ELAVL2: variants seen among roughly 807,000 people sequenced by gnomAD.
The protein encoded by ELAVL2 is ELAV like RNA binding protein 2.
A neutral mutation model predicts 34.6 loss-of-function variants in ELAVL2; 4 were observed. That is an observed-to-expected ratio of 0.12 (90% CI 0.06 to 0.26). The LOEUF is 0.26. ELAVL2 is among the 10% of genes least tolerant of loss of function. ELAVL2 has a pLI of 1.00. For missense variants in ELAVL2, 432 were observed against 442.8 expected, an observed-to-expected ratio of 0.98 and a Z score of 0.22; for synonymous variants, 193 against 154.8, an observed-to-expected ratio of 1.25 and a Z score of -1.83.
In ELAVL2 at chr9:23,692,546, A is replaced by T. The variant is rs1179516707; in HGVS notation, c.*11T>A. The T allele has an allele frequency of 6.2e-7, 1 of 1,606,360 alleles. No homozygotes were observed. The highest frequency in any genetic ancestry group is 1.3e-5 in the African/African-American group (1 of 74,804). On this transcript the variant is annotated 3_prime_UTR_variant, in exon 7 of 7. Coordinates refer to ENST00000397312, the MANE Select transcript of ELAVL2 (RefSeq NM_004432.5). ...GTTTTCATATATAAATGGACTGAGG[A>T]CAAGAGCTCATTAGGCTTTGTGCGT...
chr9:23,822,789 A>G (rs2065000129), intron 1 of ELAVL2, among the ~76,000 whole-genome samples: 1 of 152,252 alleles, frequency 6.6e-6, no homozygotes, highest in Non-Finnish European at 1.5e-5. Context: ...AGGTAAGAGA[A>G]AGGAACCGAG....
intron 1 of ELAVL2, among the ~76,000 whole-genome samples, chr9:23,768,965 A>T (rs1479915983): frequency 1.3e-5 from 2 of 152,196 alleles, no homozygotes; most frequent in African/African-American, 4.8e-5. Context: ...CTAGAGGCAA[A>T]GACAAGCTTA....
At chr9:23,791,420 T>G (rs968093039) in intron 1 of ELAVL2, among the ~76,000 whole-genome samples, 1 of 152,192 alleles carries the variant, frequency 6.6e-6, no homozygotes, top group African/African-American at 2.4e-5. Context: ...TCTCCCAAAA[T>G]TAACATGTTG....
chr9:23,763,922 C>G (rs1277300103), intron 1 of ELAVL2, among the ~76,000 whole-genome samples: 1 of 152,064 alleles, frequency 6.6e-6, no homozygotes, highest in Non-Finnish European at 1.5e-5. Flanking sequence ...TCAGGGAATA[C>G]TTAAAGGGAT....
chr9:23,758,887 A>C (rs1298734067), intron 2 of ELAVL2, among the ~76,000 whole-genome samples: 1 of 152,076 alleles, frequency 6.6e-6, no homozygotes, highest in African/African-American at 2.4e-5. Flanking sequence ...TATAATACTT[A>C]TGTTAAGAAA....
At chr9:23,734,989 AT>A (rs1428429557) in intron 2 of ELAVL2, among the ~76,000 whole-genome samples, 3 of 151,120 alleles carry the variant, frequency 2.0e-5, no homozygotes, top group African/African-American at 4.9e-5. Flanking sequence ...CCAAACTAAG[AT>A]TCATTTCTTT....
rs1378329160 is a variant in ELAVL2, at chr9:23,801,406, G to C, written c.-16+24400C>G. Among the ~76,000 whole-genome samples the C allele has an allele frequency of 2.0e-5, 3 of 152,052 alleles. No homozygotes were observed. The East Asian group carries it at 5.8e-4, about 29-fold the overall frequency. ...TGTGCTTGAAAGGAAAAGTTATACT[G>C]TCATTCATTCAATAAATATTAAGCT... On this transcript the variant is annotated intron_variant, in intron 1 of 6. Transcript: ENST00000397312.
rs2065281371 is a variant in ELAVL2 at position 23,826,153 on chromosome 9, C to T, written c.-363G>A. On this transcript the variant is annotated 5_prime_UTR_variant, in exon 1 of 7. Coordinates refer to ENST00000397312, the MANE Select transcript of ELAVL2 (RefSeq NM_004432.5). ...GAACGTTTTTTCAAAAAGACGATGT[C>T]TTTCTCCTTGTTGCTTTTTAGTAGG... The T allele has an allele frequency of 6.6e-6, 1 of 152,254 alleles. No individual in the cohort carries two copies. Among genetic ancestry groups the T allele is most frequent in the East Asian group, 1.9e-4 (1 of 5,196 alleles). 9.4% of individuals were successfully genotyped at this position (152,254 alleles called of 1,614,324 possible). A position where few individuals can be genotyped will look rare whatever the true frequency, so the allele number is the denominator to read the frequency against.
chr9:23,833,414 A>T, the ELAVL2 span, among the ~76,000 whole-genome samples: 3 of 151,820 alleles, frequency 2.0e-5, no homozygotes, highest in East Asian at 3.9e-4. Context: ...GACAGCTTAA[A>T]CTGTTCTTTA....
upstream of ELAVL2, among the ~76,000 whole-genome samples, chr9:23,827,989 T>C (rs1208700056): frequency 1.3e-5 from 2 of 152,150 alleles, no homozygotes; most frequent in African/African-American, 4.8e-5. Flanking sequence ...TATAACAACC[T>C]CTGGAGTCTT....
At chr9:23,733,235 T>C (rs1036195608) in intron 2 of ELAVL2, among the ~76,000 whole-genome samples, 3 of 139,726 alleles carry the variant, frequency 2.1e-5, no homozygotes, top group East Asian at 2.1e-4. Flanking sequence ...CTCCCAAAAA[T>C]AGATAGATAT....
intron 4 of ELAVL2, among the ~76,000 whole-genome samples, chr9:23,702,236 T>C (rs1463001197): frequency 2.0e-5 from 3 of 152,188 alleles, no homozygotes; most frequent in Non-Finnish European, 4.4e-5. Context: ...CTATATTTTA[T>C]TACAGAAAAA....
At chr9:23,712,218 G>T (rs1213774865) in intron 3 of ELAVL2, among the ~76,000 whole-genome samples, 2 of 152,128 alleles carry the variant, frequency 1.3e-5, no homozygotes, top group South Asian at 2.1e-4. Context: ...CAAAGAAAAA[G>T]AGTTGGGTGT....
intron 1 of ELAVL2, among the ~76,000 whole-genome samples, chr9:23,810,062 A>C (rs1245460974): frequency 6.6e-6 from 1 of 152,186 alleles, no homozygotes; most frequent in Non-Finnish European, 1.5e-5. Flanking sequence ...AAGTTCAAAA[A>C]ACAGCCCTTA....
At position 23,699,844 on chromosome 9, in the gene ELAVL2, T is replaced by A. The variant is rs1177941889; in HGVS notation, c.713+1535A>T. On this transcript the variant is annotated intron_variant, in intron 5 of 6. Transcript: ENST00000397312. ...TTTTTTTTTTTTTTTTTTTTTTTTT[T>A]TTTTTTTTAATACCAATGCCTTTTC... Among the ~76,000 whole-genome samples the A allele has an allele frequency of 4.4e-5, 5 of 112,424 alleles. 1 individual carries two copies. Among genetic ancestry groups the A allele is most frequent in the African/African-American group, 1.6e-4 (5 of 30,778 alleles). The allele number at this position is 112,424 out of a possible 152,430, so 73.8% of individuals were successfully genotyped here.
intron 3 of ELAVL2, among the ~76,000 whole-genome samples, chr9:23,705,711 G>A (rs2039096491): frequency 6.6e-6 from 1 of 152,198 alleles, no homozygotes; most frequent in South Asian, 2.1e-4. Flanking sequence ...TTTGTGCCCT[G>A]ATGAGAATCT....
intron 1 of ELAVL2, among the ~76,000 whole-genome samples, chr9:23,813,004 G>A (rs2063213677): frequency 6.6e-6 from 1 of 152,078 alleles, no homozygotes; most frequent in African/African-American, 2.4e-5. Context: ...CTGAACAAAA[G>A]TTAACTAGAA....
chr9:23,834,835 T>C, the ELAVL2 span, among the ~76,000 whole-genome samples: 1 of 152,032 alleles, frequency 6.6e-6, no homozygotes, highest in African/African-American at 2.4e-5. Context: ...CCATAAAAAG[T>C]TGTGGGTCTT....
chr9:23,820,014 C>A (rs2064320105), intron 1 of ELAVL2, among the ~76,000 whole-genome samples: 1 of 152,014 alleles, frequency 6.6e-6, no homozygotes, highest in African/African-American at 2.4e-5. Flanking sequence ...GCAATACAGT[C>A]ACCATTTATA....
Sources: gnomAD v4.1 joint callset for allele counts (sites outside exome capture counted in the v4.1 genomes callset) on GRCh38, gnomAD v4.1.1 for gene constraint, MANE v1.5 for transcripts, NCBI Gene and HGNC (gene_info 2026-07-23, HGNC 2026-07-21) for gene names.